The following CFAP65 variants were observed in gnomAD, a reference collection of about 807,000 sequenced individuals.
CFAP65 encodes cilia- and flagella-associated protein 65.
CFAP65 carries 155 observed loss-of-function variants against 208.0 expected under a neutral mutation model. The ratio of observed to expected loss-of-function variants is 0.75; its 90% confidence interval spans 0.65 to 0.85. The LOEUF is 0.85. CFAP65 is among the 40% of genes least tolerant of loss of function. CFAP65 has a pLI of 0.00. For missense variants in CFAP65, 2,294 were observed against 2,451.3 expected (o/e 0.94, Z 1.36); for synonymous variants, 970 against 986.3 (o/e 0.98, Z 0.31).
intron 31 of CFAP65, 50 bp from the exon 32 acceptor site, chr2:219,005,612 G>T (rs1945912812): frequency 3.7e-6 from 6 of 1,603,782 alleles, no homozygotes; most frequent in Non-Finnish European, 5.1e-6. Flanking sequence ...ACCATGCTGG[G>T]GTTGGGGGCA....
At chr2:219,038,345 C>G in intron 4 of CFAP65, 30 bp downstream of exon 4, 1 of 1,610,248 alleles carries the variant, frequency 6.2e-7, no homozygotes, top group Non-Finnish European at 8.5e-7. Context: ...CTGCCACACC[C>G]TGCTCTGCCT....
chr2:219,035,055 T>C (rs1948268810), intron 5 of CFAP65: 5 of 332,800 alleles, frequency 1.5e-5, no homozygotes. Context: ...GGTGGTGGAA[T>C]AGAAGGTTCC....
In CFAP65 at chr2:219,032,500, C is replaced by T. The variant is rs756412131; in HGVS notation, c.615G>A (p.Thr205=). 30 of 1,604,092 alleles carry T rather than the reference C, an allele frequency of 1.9e-5. No homozygotes were observed. The highest frequency in any genetic ancestry group is 1.3e-4 in the East Asian group (6 of 44,534). ...PIFLSPGITL[T]LPIVFRPLEA... Reference sequence around the variant, plus strand: ...CCAGAGGCCGGAAGACGATGGGGAGCGTGAGGGTTATGCCTGGGCTCAGGA... The same window carrying T: ...CCAGAGGCCGGAAGACGATGGGGAGTGTGAGGGTTATGCCTGGGCTCAGGA... The change falls in exon 6 of 35, where the codon ACG becomes ACA. Residue 205 remains threonine, a synonymous_variant. Transcript: ENST00000341552. This position sits in a 1 kb window ranked among gnomAD's most constrained non-coding sequence, Gnocchi z 5.5.
rs1201226185 is a variant in CFAP65, at chr2:219,025,962, G to A, written c.2349+60C>T. 8 of 1,591,358 alleles carry A rather than the reference G, an allele frequency of 5.0e-6. No individual in the cohort carries two copies. In the Admixed American group the frequency reaches 1.3e-4, roughly 27 times the overall value. On this transcript the variant is annotated intron_variant, in intron 14 of 34. Coordinates refer to ENST00000341552, the MANE Select transcript of CFAP65 (RefSeq NM_194302.4). Reference sequence around the variant, plus strand: ...CAGAGAATGGGAGAGGGATCTGCAGGCCAAGGCAGAAGCTAGGGCTCCCCT... The same window carrying A: ...CAGAGAATGGGAGAGGGATCTGCAGACCAAGGCAGAAGCTAGGGCTCCCCT...
chr2:219,011,946 G>A (rs1452345407), intron 24 of CFAP65, among the ~76,000 whole-genome samples: 4 of 152,232 alleles, frequency 2.6e-5, no homozygotes, highest in East Asian at 1.9e-4. Flanking sequence ...GAGGTGATTC[G>A]GCCACAAGGG....
Position 219,004,828 on chromosome 2 carries a change from G to T in CFAP65, c.5052-373C>A, listed in dbSNP as rs1378365008. Reference sequence around the variant, plus strand: ...AGCCCCACTGTCCTGGGGTGGGGGGGCCGGGGGGGGGGACCGTGGTGGGAT... The same window carrying T: ...AGCCCCACTGTCCTGGGGTGGGGGGTCCGGGGGGGGGGACCGTGGTGGGAT... On this transcript the variant is annotated intron_variant, in intron 32 of 34. Coordinates refer to ENST00000341552, the MANE Select transcript of CFAP65 (RefSeq NM_194302.4). The surrounding 1 kb of genome is among the most constrained non-coding windows in gnomAD (Gnocchi z 4.7). Among the ~76,000 whole-genome samples, 2 of 131,748 alleles carry T rather than the reference G, an allele frequency of 1.5e-5. No individual in the cohort carries two copies. The highest frequency in any genetic ancestry group is 1.5e-4 in the Admixed American group (2 of 13,490). 86.4% of individuals were successfully genotyped at this position (131,748 alleles called of 152,430 possible).
chr2:219,027,846 A>T lies in CFAP65; in HGVS notation c.2015T>A (p.Val672Glu). ...GGTGTGGTTCATCAGGCACAGGGGT[A>T]CAGGGTTGGGGGCCTCAGGCCCTGG... is the stretch of plus-strand genomic sequence containing the variant. ...ACPGPEAPNP[V>E]PLCLMNHTKG... Residue 672 changes from valine to glutamate, a missense_variant, in exon 13 of 35, where the codon GTA (valine) becomes GAA (glutamate). Around this residue, in one of 2 missense-constraint regions of CFAP65, gnomAD observed 867 missense variants for 1,012.6 expected, o/e 0.86. Coordinates refer to ENST00000341552, the MANE Select transcript of CFAP65 (RefSeq NM_194302.4). The T allele has an allele frequency of 6.3e-7, 1 of 1,593,598 alleles. No homozygotes were observed. Among genetic ancestry groups the T allele is most frequent in the Non-Finnish European group, 8.6e-7 (1 of 1,167,670 alleles).
Position 219,021,260 on chromosome 2 carries a change from C to T in CFAP65, c.3151G>A (p.Glu1051Lys), listed in dbSNP as rs1332953869. Reference protein sequence around the residue: ...HPLALQLDRTEGSMPPRSQDT... With the variant: ...HPLALQLDRTKGSMPPRSQDT... ...TGGGACCGGGGTGGCATGCTCCCCT[C>T]TGTTCGGTCCAGCTGCAGAGCTGCT... The change falls in exon 19 of 35, where the codon GAG (glutamate) becomes AAG (lysine). Residue 1051 changes from glutamate to lysine, a missense_variant. Coordinates refer to ENST00000341552, the MANE Select transcript of CFAP65 (RefSeq NM_194302.4). 3 of 1,601,226 alleles carry T rather than the reference C, an allele frequency of 1.9e-6. No homozygotes were observed. Among genetic ancestry groups the T allele is most frequent in the African/African-American group, 2.7e-5 (2 of 74,514 alleles).
rs375868461 is a variant in CFAP65, at chr2:219,021,798, C to T, written c.3112G>A (p.Val1038Ile). 1.3e-4 allele frequency: 204 copies of T among 1,613,472 alleles called. No homozygotes were observed. Among genetic ancestry groups the T allele is most frequent in the Non-Finnish European group, 1.6e-4 (188 of 1,179,944 alleles). The change falls in exon 18 of 35, where the codon GTT (valine) becomes ATT (isoleucine). Residue 1038 changes from valine to isoleucine, a missense_variant. By Grantham distance (29) the Val-to-Ile change is conservative. Coordinates refer to ENST00000341552, the MANE Select transcript of CFAP65 (RefSeq NM_194302.4). ...CAAGTACCGAGGGGGTGGTTGTCAA[C>T]GGCCTCAGGGCTGCCCTGCTCCAGG... ...LYLEQGSPEA[V>I]DNHPLALQLD...
In CFAP65 at chr2:219,021,267, G is replaced by T; in HGVS notation, c.3144C>A (p.Asp1048Glu). ...GGGGTGGCATGCTCCCCTCTGTTCG[G>T]TCCAGCTGCAGAGCTGCTCAGGGAT... ...VDNHPLALQL[D>E]RTEGSMPPRS... The change falls in exon 19 of 35, where the codon GAC becomes GAA. Residue 1048 changes from aspartate (D) to glutamate (E), a missense_variant. Physicochemically the swap from Asp to Glu is conservative, Grantham distance 45. Around this residue, in one of 2 missense-constraint regions of CFAP65, gnomAD observed 1,427 missense variants for 1,438.7 expected, o/e 0.99. Coordinates refer to ENST00000341552, the MANE Select transcript of CFAP65 (RefSeq NM_194302.4). The T allele has an allele frequency of 5.6e-6, 9 of 1,597,354 alleles. No homozygotes were observed. The highest frequency in any genetic ancestry group is 5.1e-6 in the Non-Finnish European group (6 of 1,171,574).
At chr2:219,024,312 GAC>G (rs1559143263) in intron 14 of CFAP65, 52 bp from the exon 15 acceptor site, 2 of 1,569,052 alleles carry the variant, frequency 1.3e-6, no homozygotes, top group Non-Finnish European at 1.7e-6. Context: ...TCCACCCTGG[GAC>G]ACACACTCAG....
At chr2:219,023,563 C>G (rs146845355) in intron 15 of CFAP65, 132 bp from the exon 16 acceptor site, 7 of 663,074 alleles carry the variant, frequency 1.1e-5, no homozygotes, top group Non-Finnish European at 1.1e-5. Context: ...TCTGCCAGCC[C>G]GTGTACCGGC....
chr2:219,011,276 T>C (rs1026463479), intron 24 of CFAP65, among the ~76,000 whole-genome samples: 2 of 138,384 alleles, frequency 1.4e-5, no homozygotes, highest in Non-Finnish European at 3.0e-5. Flanking sequence ...CTTTCTTTTT[T>C]TTTTTTTTTT....
chr2:219,025,253 A>G (rs1437169099), intron 14 of CFAP65, among the ~76,000 whole-genome samples: 1 of 151,966 alleles, frequency 6.6e-6, no homozygotes, highest in Non-Finnish European at 1.5e-5. Context: ...ATCGAGGGGG[A>G]CTCTGTGAGG....
chr2:219,006,469 T>C lies in CFAP65; in HGVS notation c.4715A>G (p.Tyr1572Cys). 1 of 1,613,744 alleles carries C rather than the reference T, an allele frequency of 6.2e-7. No homozygotes were observed. Residue 1572 changes from tyrosine (Y) to cysteine (C), a missense_variant, in exon 30 of 35, where the codon TAC (tyrosine) becomes TGC (cysteine). Physicochemically the swap from Tyr to Cys is radical, Grantham distance 194. This residue lies in a region of CFAP65 where 1,427 missense variants were observed against 1,438.7 expected (regional missense o/e 0.99). Transcript: ENST00000341552. ...GCCTGGGGCTCGCCGCCTCACCTTG[T>C]ACTTCCTCGCAGGTTCACAGGCTGT... ...CCTACEPARK[Y>C]KTLPPIKNQQ...
In CFAP65 at chr2:219,013,765, C is replaced by T. The variant is rs553253908; in HGVS notation, c.3779+103G>A. 15 of 1,245,696 alleles carry T rather than the reference C, an allele frequency of 1.2e-5. No individual in the cohort carries two copies. In the African/African-American group the frequency reaches 1.9e-4, roughly 16 times the overall value. 77.2% of individuals were successfully genotyped at this position (1,245,696 alleles called of 1,614,324 possible). A position where few individuals can be genotyped will look rare whatever the true frequency, so the allele number is the denominator to read the frequency against. ...CTCTGCAGGTGAGAAGGTGGTCCTCCCAGGGAATGGCCATTTGGGGTGCCC... is the reference window on the plus strand; with the variant it reads ...CTCTGCAGGTGAGAAGGTGGTCCTCTCAGGGAATGGCCATTTGGGGTGCCC... On this transcript the variant is annotated intron_variant, in intron 22 of 34. Coordinates refer to ENST00000341552, the MANE Select transcript of CFAP65 (RefSeq NM_194302.4).
At chr2:219,014,786 G>A (rs364501) in intron 21 of CFAP65, 25 of 133,326 alleles carry the variant, frequency 1.9e-4, no homozygotes, top group African/African-American at 5.9e-4. Flanking sequence ...AGCACGCAAC[G>A]CGCACCTGAG....
At position 219,004,264 on chromosome 2, in the gene CFAP65, T is replaced by G. The variant is rs767042867; in HGVS notation, c.5243A>C (p.Glu1748Ala). Residue 1748 changes from glutamate to alanine, a missense_variant, in exon 33 of 35, where the codon GAA becomes GCA. Around this residue, in one of 2 missense-constraint regions of CFAP65, gnomAD observed 1,427 missense variants for 1,438.7 expected, o/e 0.99. Transcript: ENST00000341552. The surrounding 1 kb of genome is among the most constrained non-coding windows in gnomAD (Gnocchi z 4.7). ...WEDGKGKQPK[E>A]DRPEHYPGLG... ...CCCTGGATAGTGCTCTGGTCTGTCTTCCTTCGGCTGCTTGCCCTTCCCATC... is the reference window on the plus strand; with the variant it reads ...CCCTGGATAGTGCTCTGGTCTGTCTGCCTTCGGCTGCTTGCCCTTCCCATC... The G allele has an allele frequency of 6.2e-7, 1 of 1,614,118 alleles. No individual in the cohort carries two copies. The highest frequency in any genetic ancestry group is 8.5e-7 in the Non-Finnish European group (1 of 1,180,030).
chr2:219,027,467 G>A, intron 13 of CFAP65, 183 bp downstream of exon 13: 2 of 1,550,446 alleles, frequency 1.3e-6, no homozygotes, highest in Non-Finnish European at 8.7e-7. Flanking sequence ...AATCAGATGG[G>A]CCGAGCTAGG....
Sources: gnomAD v4.1 joint callset for allele counts (sites outside exome capture counted in the v4.1 genomes callset) on GRCh38, gnomAD v4.1.1 for gene constraint, gnomAD v4.1.1 regional missense constraint, Gnocchi (gnomAD v3.1) non-coding constraint, MANE v1.5 for transcripts, NCBI Gene and HGNC (gene_info 2026-07-23, HGNC 2026-07-21) for gene names.